The following DPP10 variants were observed in gnomAD, a reference collection of about 807,000 sequenced individuals.
DPP10 encodes dipeptidyl peptidase like 10, also known as inactive dipeptidyl peptidase 10.
Under a neutral mutation model 120.9 loss-of-function variants are expected in DPP10, and 33 were observed. The observed-to-expected ratio is 0.27, with a 90% CI of 0.21 to 0.37. The LOEUF (loss-of-function observed/expected upper bound fraction) is 0.37. Among genes scored for constraint, DPP10 ranks in the 10% least tolerant of loss-of-function variants. DPP10 has a pLI of 1.00. For missense variants in DPP10, 816 were observed against 942.8 expected (o/e 0.87, Z 1.76); for synonymous variants, 337 against 326.1 (o/e 1.03, Z -0.36).
chr2:114,834,752 A>AG lies in DPP10; in HGVS notation c.60+391915dup, dbSNP rs1416736110. Among the ~76,000 whole-genome samples, 16 of 138,306 alleles carry AG rather than the reference A, an allele frequency of 1.2e-4. 1 individual carries two copies. Among genetic ancestry groups the AG allele is most frequent in the Admixed American group, 2.2e-4 (3 of 13,570 alleles). The allele number at this position is 138,306 out of a possible 152,430, so 90.7% of individuals were successfully genotyped here. A position where few individuals can be genotyped will look rare whatever the true frequency, so the allele number is the denominator to read the frequency against. On this transcript the variant is annotated intron_variant, in intron 1 of 25. Transcript: ENST00000410059. Reference sequence around the variant, plus strand: ...ATGTCTACGCACCTATGTATATATAAGCCATGTCTACGCACCTATGTATAT... The same window carrying AG: ...ATGTCTACGCACCTATGTATATATAAGGCCATGTCTACGCACCTATGTATAT...
intron 3 of DPP10, among the ~76,000 whole-genome samples, chr2:115,377,244 C>T (rs1237114511): frequency 6.6e-6 from 1 of 150,976 alleles, no homozygotes; most frequent in Admixed American, 6.6e-5. Flanking sequence ...GATTGCCATT[C>T]TAACTGGTGT....
intron 1 of DPP10, among the ~76,000 whole-genome samples, chr2:115,058,031 G>T (rs1018785839): frequency 6.6e-6 from 1 of 152,152 alleles, no homozygotes; most frequent in Admixed American, 6.6e-5. Flanking sequence ...TGCTGCGTTC[G>T]CACTGGGGCA....
At chr2:115,377,472 A>T (rs2065902912) in intron 3 of DPP10, among the ~76,000 whole-genome samples, 2 of 152,116 alleles carry the variant, frequency 1.3e-5, no homozygotes, top group Non-Finnish European at 2.9e-5. Flanking sequence ...AGATGAGTAG[A>T]TTGCAAAAAT....
chr2:115,012,928 T>C (rs1344716990), intron 1 of DPP10, among the ~76,000 whole-genome samples: 2 of 152,152 alleles, frequency 1.3e-5, no homozygotes, highest in Non-Finnish European at 2.9e-5. Context: ...ATATAGGATA[T>C]GAAAGGAAAG....
intron 1 of DPP10, among the ~76,000 whole-genome samples, chr2:114,458,176 C>G (rs952814472): frequency 5.9e-5 from 9 of 152,224 alleles, no homozygotes; most frequent in African/African-American, 2.2e-4. Context: ...CTGTGCTATT[C>G]TGCCAGAGTT....
chr2:115,146,008 C>A (rs1270785662), intron 1 of DPP10, among the ~76,000 whole-genome samples: 1 of 152,136 alleles, frequency 6.6e-6, no homozygotes, highest in South Asian at 2.1e-4. Flanking sequence ...ATGCAGAGTA[C>A]TTTTCATATA....
chr2:114,674,433 A>G (rs894254934), intron 1 of DPP10, among the ~76,000 whole-genome samples: 3 of 152,094 alleles, frequency 2.0e-5, no homozygotes, highest in Admixed American at 1.3e-4. Flanking sequence ...CAATGCCACA[A>G]TGATATATTT....
At chr2:114,687,707 A>G (rs968947380) in intron 1 of DPP10, among the ~76,000 whole-genome samples, 2 of 151,942 alleles carry the variant, frequency 1.3e-5, no homozygotes, top group Non-Finnish European at 2.9e-5. Flanking sequence ...TCTCTTTCTG[A>G]TAAGTCACAT....
At chr2:115,247,457 T>C (rs188775619) in intron 1 of DPP10, among the ~76,000 whole-genome samples, 7 of 152,224 alleles carry the variant, frequency 4.6e-5, no homozygotes, top group Admixed American at 3.9e-4. Context: ...TCTTGAATGA[T>C]ATTTATCTCG....
Position 115,797,396 on chromosome 2 carries a change from G to C in DPP10, c.1700+6040G>C, listed in dbSNP as rs530177908. 1.4e-3 allele frequency among the ~76,000 whole-genome samples: 220 copies of C among 152,034 alleles called. 1 individual carries two copies. The highest frequency in any genetic ancestry group is 3.4e-3 in the Middle Eastern group (1 of 294). On this transcript the variant is annotated intron_variant, in intron 19 of 25. Transcript: ENST00000410059. ...ATTCCAATAACTTCCAACATCATTTGATCTTCTATTTGTTCATGCCAAATA... is the reference window on the plus strand; with the variant it reads ...ATTCCAATAACTTCCAACATCATTTCATCTTCTATTTGTTCATGCCAAATA...
At chr2:114,498,179 A>T (rs1045450081) in intron 1 of DPP10, among the ~76,000 whole-genome samples, 1 of 152,198 alleles carries the variant, frequency 6.6e-6, no homozygotes, top group Non-Finnish European at 1.5e-5. Flanking sequence ...ATGGTAGGAC[A>T]TTTGAAATTT....
intron 1 of DPP10, among the ~76,000 whole-genome samples, chr2:115,068,172 C>A (rs181348661): frequency 6.6e-6 from 1 of 152,048 alleles, no homozygotes; most frequent in East Asian, 1.9e-4. Flanking sequence ...TAACAATTTA[C>A]AATCCCACCA....
intron 5 of DPP10, among the ~76,000 whole-genome samples, chr2:115,683,825 G>A (rs2149481247): frequency 6.6e-6 from 1 of 152,014 alleles, no homozygotes; most frequent in South Asian, 2.1e-4. Context: ...TTGTATCATA[G>A]TAAAGTCATG....
intron 17 of DPP10, among the ~76,000 whole-genome samples, chr2:115,787,859 A>G (rs1308500437): frequency 6.6e-6 from 1 of 152,178 alleles, no homozygotes; most frequent in East Asian, 1.9e-4. Flanking sequence ...TTATGCACAT[A>G]GTAAAAACGA....
chr2:115,004,598 A>G (rs1042603489), intron 1 of DPP10, among the ~76,000 whole-genome samples: 1 of 152,184 alleles, frequency 6.6e-6, no homozygotes, highest in Non-Finnish European at 1.5e-5. Context: ...AATCAAAGAA[A>G]GGGGTGATGG....
At chr2:115,162,509 T>C (rs1055032531) in intron 1 of DPP10, among the ~76,000 whole-genome samples, 3 of 152,180 alleles carry the variant, frequency 2.0e-5, no homozygotes, top group African/African-American at 7.2e-5. Context: ...GTTTTCCCTC[T>C]GCTTTCTTGT....
intron 1 of DPP10, chr2:115,064,564 C>A (rs573575872): frequency 2.9e-6 from 3 of 1,023,876 alleles, no homozygotes; most frequent in Non-Finnish European, 3.9e-6. Context: ...CCACCACCCA[C>A]CCCTACACAC....
At chr2:114,604,659 G>C (rs1692644821) in intron 1 of DPP10, among the ~76,000 whole-genome samples, 1 of 152,134 alleles carries the variant, frequency 6.6e-6, no homozygotes, top group Non-Finnish European at 1.5e-5. Flanking sequence ...CTTCTCTGAA[G>C]ATGCTTTTTG....
chr2:115,812,284 A>G (rs1326183144), intron 19 of DPP10, among the ~76,000 whole-genome samples: 2 of 152,232 alleles, frequency 1.3e-5, no homozygotes, highest in African/African-American at 4.8e-5. Flanking sequence ...CAGTATCTTT[A>G]TGTAAACTCA....
Sources: gnomAD v4.1 joint callset for allele counts (sites outside exome capture counted in the v4.1 genomes callset) on GRCh38, gnomAD v4.1.1 for gene constraint, MANE v1.5 for transcripts, NCBI Gene and HGNC (gene_info 2026-07-23, HGNC 2026-07-21) for gene names.